The following PIRT variants were observed in gnomAD, a reference collection of about 807,000 sequenced individuals.
The protein encoded by PIRT is phosphoinositide interacting regulator of transient receptor potential channels, also known as phosphoinositide-interacting protein.
A neutral mutation model predicts 7.9 loss-of-function variants in PIRT; 6 were observed. That is an observed-to-expected ratio of 0.76 (90% CI 0.42 to 1.51). The LOEUF (loss-of-function observed/expected upper bound fraction) is 1.51. PIRT is among the 40% of genes most tolerant of loss of function. PIRT has a pLI of 0.01. For synonymous variants in PIRT, 78 were observed against 71.8 expected (o/e 1.09, Z -0.44); for missense variants, 170 against 172.9 (o/e 0.98, Z 0.09).
chr17:10,837,322 C>T (rs778342558), intron 1 of PIRT, among the ~76,000 whole-genome samples: 4 of 152,350 alleles, frequency 2.6e-5, no homozygotes, highest in South Asian at 2.1e-4. Flanking sequence ...GACTGAGCCA[C>T]GTCTTTGTCC....
In PIRT at chr17:10,834,345, G is replaced by A. The variant is rs149277882; in HGVS notation, c.-139+3600C>T. Among the ~76,000 whole-genome samples the A allele has an allele frequency of 1.8e-4, 27 of 152,184 alleles. No homozygotes were observed. In the South Asian group the frequency reaches 3.7e-3, roughly 21 times the overall value. On this transcript the variant is annotated intron_variant, in intron 1 of 1. Transcript: ENST00000580256. ...GATGAGCCACACAGACATGCTGGGTGGAAGAGATCGGATATGAAAGAGTAC... is the reference window on the plus strand; with the variant it reads ...GATGAGCCACACAGACATGCTGGGTAGAAGAGATCGGATATGAAAGAGTAC...
intron 1 of PIRT, among the ~76,000 whole-genome samples, chr17:10,835,328 C>T (rs1187640160): frequency 6.6e-6 from 1 of 152,218 alleles, no homozygotes; most frequent in African/African-American, 2.4e-5. Context: ...TGCATTGCCT[C>T]ATTTCATCCT....
intron 1 of PIRT, among the ~76,000 whole-genome samples, chr17:10,833,839 T>C (rs1905520862): frequency 6.6e-6 from 1 of 152,080 alleles, no homozygotes; most frequent in Admixed American, 6.5e-5. Flanking sequence ...AAATAAACAT[T>C]ACATATAACA....
rs77558606 is a variant in PIRT, at chr17:10,830,951, C to T, written c.-138-5168G>A. Among the ~76,000 whole-genome samples, 3 of 152,176 alleles carry T rather than the reference C, an allele frequency of 2.0e-5. No individual in the cohort carries two copies. The East Asian group carries it at 5.8e-4, about 29-fold the overall frequency. ...AGTACCTCTTCCTCCCTGTTGTTAT[C>T]ATCACAATAAAATATATCTCCAGAC... On this transcript the variant is annotated intron_variant, in intron 1 of 1. Coordinates refer to ENST00000580256, the MANE Select transcript of PIRT (RefSeq NM_001101387.2).
At chr17:10,835,679 C>A (rs903446095) in intron 1 of PIRT, among the ~76,000 whole-genome samples, 1 of 152,236 alleles carries the variant, frequency 6.6e-6, no homozygotes, top group Non-Finnish European at 1.5e-5. Context: ...GGTCCCCGAG[C>A]TGGGGCCAGC....
At position 10,830,261 on chromosome 17, in the gene PIRT, C is replaced by T. The variant is rs1905433695; in HGVS notation, c.-138-4478G>A. ...TATAAACAGAAGCAGGCAGGCAGGG[C>T]AGGGCTGTGAGTGGAACTCTGTACT... On this transcript the variant is annotated intron_variant, in intron 1 of 1. Coordinates refer to ENST00000580256, the MANE Select transcript of PIRT (RefSeq NM_001101387.2). 1.3e-5 allele frequency among the ~76,000 whole-genome samples: 2 copies of T among 152,150 alleles called. 1 individual carries two copies. Among genetic ancestry groups the T allele is most frequent in the South Asian group, 4.1e-4 (2 of 4,834 alleles).
chr17:10,824,972 C>G lies in PIRT; in HGVS notation c.*260G>C. ...GATGAATGATGCCTGGATGCAGGGGCAGGGGGTTAGAGTGACCAAAGGGAA... is the reference window on the plus strand; with the variant it reads ...GATGAATGATGCCTGGATGCAGGGGGAGGGGGTTAGAGTGACCAAAGGGAA... On this transcript the variant is annotated 3_prime_UTR_variant, in exon 2 of 2. Coordinates refer to ENST00000580256, the MANE Select transcript of PIRT (RefSeq NM_001101387.2). The G allele has an allele frequency of 2.1e-6, 1 of 483,990 alleles. No homozygotes were observed. Among genetic ancestry groups the G allele is most frequent in the Non-Finnish European group, 3.7e-6 (1 of 273,630 alleles). The allele number at this position is 483,990 out of a possible 1,614,324, so 30.0% of individuals were successfully genotyped here.
chr17:10,826,524 C>T (rs1905318715), intron 1 of PIRT, among the ~76,000 whole-genome samples: 1 of 152,256 alleles, frequency 6.6e-6, no homozygotes, highest in Non-Finnish European at 1.5e-5. Context: ...ATAAATTCTG[C>T]ATGTGTGTCC....
chr17:10,833,257 A>G (rs1184956656), intron 1 of PIRT, among the ~76,000 whole-genome samples: 2 of 152,214 alleles, frequency 1.3e-5, no homozygotes, highest in African/African-American at 2.4e-5. Context: ...TAAAAGGTAA[A>G]ACTATAAAGA....
At chr17:10,827,465 CTTTTTTTTTTTTTTT>C (rs546105685) in intron 1 of PIRT, among the ~76,000 whole-genome samples, 4 of 56,302 alleles carry the variant, frequency 7.1e-5, no homozygotes, top group Admixed American at 5.2e-4. Context: ...TTTTTCTTTT[CTTTTTTTTTTTTTTT>C]TTTTTTTTTT....
intron 1 of PIRT, among the ~76,000 whole-genome samples, chr17:10,829,983 CTAT>C (rs775600151): frequency 6.6e-6 from 1 of 151,672 alleles, no homozygotes; most frequent in Non-Finnish European, 1.5e-5. Context: ...ATCTATCTAT[CTAT>C]CTATCTATCT....
rs758194467 is a variant in PIRT, at chr17:10,825,304, G to T, written c.342C>A (p.Ile114=). ...TCTGTCTGTGCTTCTGTTTCTTTTT[G>T]ATGATGGGCACCCACACCAGCCCGC... ...LVCGLVWVPI[I]KKKQKHRQKS... Residue 114 remains isoleucine (I), a synonymous_variant, in exon 2 of 2, where the codon ATC becomes ATA. Coordinates refer to ENST00000580256, the MANE Select transcript of PIRT (RefSeq NM_001101387.2). The T allele has an allele frequency of 6.2e-7, 1 of 1,613,958 alleles. No homozygotes were observed. The highest frequency in any genetic ancestry group is 1.1e-5 in the South Asian group (1 of 91,074).
chr17:10,826,777 C>T (rs573765369), intron 1 of PIRT, among the ~76,000 whole-genome samples: 2 of 152,286 alleles, frequency 1.3e-5, no homozygotes, highest in African/African-American at 4.8e-5. Flanking sequence ...CGTGCTCTGT[C>T]AGCAGAGGAC....
intron 1 of PIRT, among the ~76,000 whole-genome samples, chr17:10,827,955 C>T (rs1348750323): frequency 6.6e-6 from 1 of 152,166 alleles, no homozygotes; most frequent in Non-Finnish European, 1.5e-5. Flanking sequence ...CCTGATTCAT[C>T]TTTCAAATGT....
intron 1 of PIRT, 43 bp from the exon 2 acceptor site, chr17:10,825,826 G>A (rs1339859445): frequency 1.2e-5 from 6 of 507,594 alleles, no homozygotes; most frequent in African/African-American, 9.9e-5. Context: ...ACATAAATAA[G>A]AAACCACCCA....
chr17:10,825,085 A>G lies in PIRT; in HGVS notation c.*147T>C. ...ACATTCCCGGCTGCATGGAGGGTGGAGCCCCAAGCTCTATCTTCCCCACAG... is the reference window on the plus strand; with the variant it reads ...ACATTCCCGGCTGCATGGAGGGTGGGGCCCCAAGCTCTATCTTCCCCACAG... On this transcript the variant is annotated 3_prime_UTR_variant, in exon 2 of 2. Transcript: ENST00000580256. 9.7e-7 allele frequency: 1 copy of G among 1,035,634 alleles called. No individual in the cohort carries two copies. The highest frequency in any genetic ancestry group is 1.4e-6 in the Non-Finnish European group (1 of 724,156). The allele number at this position is 1,035,634 out of a possible 1,614,324, so 64.2% of individuals were successfully genotyped here.
At chr17:10,836,382 A>G (rs1303735675) in intron 1 of PIRT, among the ~76,000 whole-genome samples, 1 of 152,144 alleles carries the variant, frequency 6.6e-6, no homozygotes, top group Non-Finnish European at 1.5e-5. Context: ...TACAGTTGGT[A>G]TTAAGAGGGT....
chr17:10,831,140 A>G (rs1193548927), intron 1 of PIRT, among the ~76,000 whole-genome samples: 2 of 152,146 alleles, frequency 1.3e-5, no homozygotes, highest in Non-Finnish European at 2.9e-5. Context: ...GCAGTTGCTC[A>G]GAGGATGTGG....
At chr17:10,828,750 A>G (rs1905392246) in intron 1 of PIRT, among the ~76,000 whole-genome samples, 2 of 152,142 alleles carry the variant, frequency 1.3e-5, no homozygotes, top group Admixed American at 1.3e-4. Context: ...TCCAACCCTC[A>G]CTGCTCAGGC....
Sources: allele counts gnomAD v4.1 joint callset (sites outside exome capture counted in the v4.1 genomes callset), GRCh38; gene constraint gnomAD v4.1.1; transcripts MANE v1.5; gene names NCBI Gene and HGNC (gene_info 2026-07-23, HGNC 2026-07-21).